The following KIF16B variants were observed in gnomAD, a reference collection of about 807,000 sequenced individuals.
The protein encoded by KIF16B is kinesin family member 16B, also known as kinesin-like protein KIF16B.
KIF16B carries 98 observed loss-of-function variants against 156.3 expected under a neutral mutation model. That is an observed-to-expected ratio of 0.63 (90% confidence interval 0.53 to 0.74). KIF16B has a LOEUF of 0.74. Among genes scored for constraint, KIF16B ranks in the 30% least tolerant of loss-of-function variants. The pLI, the probability that KIF16B is intolerant of heterozygous loss-of-function variation, is 0.00. For synonymous variants in KIF16B, 564 were observed against 583.7 expected (o/e 0.97, Z 0.49); for missense variants, 1,421 against 1,606.5 (o/e 0.88, Z 1.97).
rs151030609 is a variant in KIF16B at position 16,572,953 on chromosome 20, G to A, written c.47+276C>T. On this transcript the variant is annotated intron_variant, in intron 1 of 25. Transcript: ENST00000354981. ...ATCTTCATGGTAACGTTCCCTTGATGCTTTTTTAAAGGGGGAACAAGAACA... is the reference window on the plus strand; with the variant it reads ...ATCTTCATGGTAACGTTCCCTTGATACTTTTTTAAAGGGGGAACAAGAACA... Among the ~76,000 whole-genome samples, 138 of 152,178 alleles carry A rather than the reference G, an allele frequency of 9.1e-4. No individual in the cohort carries two copies. The East Asian group carries it at 0.026, about 29-fold the overall frequency.
In KIF16B at chr20:16,534,258, T is replaced by TAA. The variant is rs11482450; in HGVS notation, c.48-5820_48-5819dup. On this transcript the variant is annotated intron_variant, in intron 1 of 25. Coordinates refer to ENST00000354981, the MANE Select transcript of KIF16B (RefSeq NM_024704.5). ...TGAAAGAGCAAAGCTCTGTCTCAAA[T>TAA]AAAAAAAAAAAATTAATCTAAAATT... Among the ~76,000 whole-genome samples, 43 of 147,686 alleles carry TAA rather than the reference T, an allele frequency of 2.9e-4. No individual in the cohort carries two copies. In the Middle Eastern group the frequency reaches 0.011, roughly 38 times the overall value.
At chr20:16,439,222 C>T (rs1421512737) in intron 12 of KIF16B, among the ~76,000 whole-genome samples, 1 of 152,126 alleles carries the variant, frequency 6.6e-6, no homozygotes, top group Non-Finnish European at 1.5e-5. Context: ...CTGCTACTGC[C>T]CTGGTCCCAG....
chr20:16,439,246 C>T (rs1008407833), intron 12 of KIF16B, among the ~76,000 whole-genome samples: 2 of 152,180 alleles, frequency 1.3e-5, no homozygotes, highest in Non-Finnish European at 2.9e-5. Context: ...CCTTCACAGC[C>T]TGCCTGAATC....
chr20:16,321,305 T>C (rs1328603761), intron 24 of KIF16B, among the ~76,000 whole-genome samples: 3 of 152,118 alleles, frequency 2.0e-5, no homozygotes, highest in Non-Finnish European at 4.4e-5. Flanking sequence ...CAGTAAAAAG[T>C]GATTATTCTT....
intron 25 of KIF16B, among the ~76,000 whole-genome samples, chr20:16,292,304 C>T (rs932042605): frequency 1.3e-5 from 2 of 152,142 alleles, no homozygotes; most frequent in African/African-American, 4.8e-5. Context: ...TTGGAACAAA[C>T]TGATGTTCTC....
intron 25 of KIF16B, among the ~76,000 whole-genome samples, chr20:16,304,523 A>G (rs2063515257): frequency 6.6e-6 from 1 of 152,210 alleles, no homozygotes; most frequent in Non-Finnish European, 1.5e-5. Context: ...TAATGGACTA[A>G]TAACAGAAAA....
At chr20:16,405,652 T>C (rs2146268258) in intron 16 of KIF16B, among the ~76,000 whole-genome samples, 1 of 152,200 alleles carries the variant, frequency 6.6e-6, no homozygotes, top group South Asian at 2.1e-4. Context: ...ACAGAACAAG[T>C]TAGGGAGAGT....
intron 25 of KIF16B, among the ~76,000 whole-genome samples, chr20:16,299,924 G>A (rs906035637): frequency 3.3e-5 from 5 of 152,020 alleles, no homozygotes; most frequent in African/African-American, 7.2e-5. Flanking sequence ...TTAGAATATC[G>A]CAAATAATAC....
At chr20:16,302,957 C>T (rs2122617265) in intron 25 of KIF16B, among the ~76,000 whole-genome samples, 1 of 152,232 alleles carries the variant, frequency 6.6e-6, no homozygotes, top group Middle Eastern at 3.4e-3. Context: ...GTGAATAACA[C>T]AGCTTTATGT....
chr20:16,501,945 T>C (rs2068638655), intron 10 of KIF16B, among the ~76,000 whole-genome samples: 1 of 152,126 alleles, frequency 6.6e-6, no homozygotes, highest in Non-Finnish European at 1.5e-5. Flanking sequence ...TGGGTGAATT[T>C]AGCTTATGAA....
At chr20:16,368,715 G>T (rs2064741392) in intron 22 of KIF16B, 19 of 985,734 alleles carry the variant, frequency 1.9e-5, no homozygotes, top group Non-Finnish European at 2.3e-5. Flanking sequence ...ACGCCAGTAC[G>T]CTCTGCGGGG....
At chr20:16,545,007 C>A (rs535052038) in intron 1 of KIF16B, among the ~76,000 whole-genome samples, 1 of 152,190 alleles carries the variant, frequency 6.6e-6, no homozygotes, top group South Asian at 2.1e-4. Flanking sequence ...AGATTTTCCC[C>A]AAAAATATCA....
intron 15 of KIF16B, among the ~76,000 whole-genome samples, chr20:16,417,166 G>T (rs2066110570): frequency 6.6e-6 from 1 of 152,158 alleles, no homozygotes; most frequent in African/African-American, 2.4e-5. Context: ...AGGGAAATAT[G>T]CAGGAAAGCA....
chr20:16,439,856 C>G (rs1453125862), intron 12 of KIF16B, among the ~76,000 whole-genome samples: 2 of 152,152 alleles, frequency 1.3e-5, no homozygotes, highest in Non-Finnish European at 2.9e-5. Flanking sequence ...GAGAACAGCA[C>G]AGGAAAGACC....
intron 10 of KIF16B, among the ~76,000 whole-genome samples, chr20:16,502,081 A>G (rs1006910575): frequency 6.6e-5 from 10 of 152,182 alleles, no homozygotes; most frequent in Non-Finnish European, 1.2e-4. Context: ...AATCAAATAC[A>G]TGTCAAAACC....
chr20:16,510,123 T>G (rs1209239766), intron 6 of KIF16B, among the ~76,000 whole-genome samples: 1 of 152,206 alleles, frequency 6.6e-6, no homozygotes, highest in Non-Finnish European at 1.5e-5. Flanking sequence ...TAAATTCCCC[T>G]AAGTATCTAG....
At chr20:16,528,194 G>A (rs1056058263) in intron 2 of KIF16B, among the ~76,000 whole-genome samples, 177 bp downstream of exon 2, 2 of 152,100 alleles carry the variant, frequency 1.3e-5, no homozygotes, top group African/African-American at 2.4e-5. Flanking sequence ...GAAAGGAAAC[G>A]GGATCAACTC....
At position 16,456,403 on chromosome 20, in the gene KIF16B, C is replaced by T. The variant is rs16997640; in HGVS notation, c.1303-26421G>A. Among the ~76,000 whole-genome samples the T allele has an allele frequency of 1.5e-3, 229 of 152,166 alleles. 3 individuals carry two copies. The East Asian group carries it at 0.03, about 20-fold the overall frequency. On this transcript the variant is annotated intron_variant, in intron 12 of 25. Transcript: ENST00000354981. ...CCAGAAAAGGCCCTCCATATCCTTG[C>T]TAAAAATAGTCCTGCTGTTTTTCTT...
chr20:16,517,128 CT>C (rs2147091886), intron 3 of KIF16B, among the ~76,000 whole-genome samples: 1 of 152,334 alleles, frequency 6.6e-6, no homozygotes, highest in Non-Finnish European at 1.5e-5. Context: ...ATAACACAGC[CT>C]GTCATCCAAG....
Sources: gnomAD v4.1 joint callset for allele counts (sites outside exome capture counted in the v4.1 genomes callset) on GRCh38, gnomAD v4.1.1 for gene constraint, MANE v1.5 for transcripts, NCBI Gene and HGNC (gene_info 2026-07-23, HGNC 2026-07-21) for gene names.